The following HDAC9 variants were observed in gnomAD, a reference collection of about 807,000 sequenced individuals.
HDAC9 encodes the protein histone deacetylase 9, also known as MEF-2 interacting transcription repressor (MITR) protein.
HDAC9 carries 41 observed loss-of-function variants against 139.4 expected under a neutral mutation model. That is an observed-to-expected ratio of 0.29 (90% CI 0.23 to 0.38). The LOEUF (loss-of-function observed/expected upper bound fraction) is 0.38, where lower values mean the gene tolerates loss of function less well. Among genes scored for constraint, HDAC9 ranks in the 10% least tolerant of loss-of-function variants. The pLI is 1.00. For synonymous variants in HDAC9, 517 were observed against 476.2 expected (o/e 1.09, Z -1.12); for missense variants, 1,147 against 1,297.0 (o/e 0.88, Z 1.78).
chr7:18,834,664 A>C (rs1214818490), intron 19 of HDAC9, among the ~76,000 whole-genome samples: 2 of 152,166 alleles, frequency 1.3e-5, no homozygotes, highest in Non-Finnish European at 2.9e-5. Context: ...ACCCCATGCC[A>C]TCTTTCTGCT....
chr7:18,749,171 C>T, intron 14 of HDAC9, 33 bp downstream of exon 14: 1 of 1,606,864 alleles, frequency 6.2e-7, no homozygotes, highest in Non-Finnish European at 8.5e-7. Flanking sequence ...CTTTTACTTA[C>T]TTAAATAAAT....
At chr7:18,204,255 T>A (rs1791339299) in intron 2 of HDAC9, among the ~76,000 whole-genome samples, 2 of 152,010 alleles carry the variant, frequency 1.3e-5, no homozygotes, top group Admixed American at 6.6e-5. Flanking sequence ...ACTTAATCAT[T>A]CCTATGGTGT....
intron 2 of HDAC9, among the ~76,000 whole-genome samples, chr7:18,524,376 C>G (rs1300261585): frequency 6.6e-6 from 1 of 152,046 alleles, no homozygotes; most frequent in East Asian, 1.9e-4. Context: ...ATTGCTTTTT[C>G]TCATTTAGGG....
intron 1 of HDAC9, among the ~76,000 whole-genome samples, chr7:18,384,249 G>A (rs1351988288): frequency 6.6e-6 from 1 of 151,934 alleles, no homozygotes; most frequent in Non-Finnish European, 1.5e-5. Context: ...AGGAGAATGT[G>A]GTGACCCGTC....
At chr7:18,242,744 G>C (rs1395946209) in intron 2 of HDAC9, among the ~76,000 whole-genome samples, 2 of 151,898 alleles carry the variant, frequency 1.3e-5, no homozygotes, top group African/African-American at 4.8e-5. Context: ...CTCCACTTCA[G>C]GTGCTTCTCT....
chr7:18,850,039 C>T (rs1158486995), intron 21 of HDAC9, among the ~76,000 whole-genome samples: 1 of 144,360 alleles, frequency 6.9e-6, no homozygotes, highest in Non-Finnish European at 1.5e-5. Flanking sequence ...TTTCATTTTA[C>T]TGTATCTGTA....
rs58794891 is a variant in HDAC9 at position 18,392,399 on chromosome 7, GGATAGATAGATA to G, written c.-42+101915_-42+101926del. On this transcript the variant is annotated intron_variant, in intron 1 of 3. Coordinates refer to the HDAC9 transcript ENST00000413509. ...TCTCTAGATAGATGGATAGATAGAT[GGATAGATAGATA>G]GATAGATAGATAGATAGATAGATAG... 4.3e-3 allele frequency among the ~76,000 whole-genome samples: 637 copies of G among 146,862 alleles called. 3 individuals carry two copies. Among genetic ancestry groups the G allele is most frequent in the African/African-American group, 0.013 (519 of 39,614 alleles).
chr7:18,129,167 G>C (rs1486300197), intron 1 of HDAC9, among the ~76,000 whole-genome samples: 2 of 152,122 alleles, frequency 1.3e-5, no homozygotes, highest in Non-Finnish European at 2.9e-5. Flanking sequence ...TCACTGAATA[G>C]ATTTCATTAT....
chr7:18,358,144 G>T (rs749022644), intron 1 of HDAC9, among the ~76,000 whole-genome samples: 2 of 152,110 alleles, frequency 1.3e-5, no homozygotes, highest in Non-Finnish European at 2.9e-5. Context: ...AGCTGAGATG[G>T]TGCCATGCAT....
intron 1 of HDAC9, among the ~76,000 whole-genome samples, chr7:18,321,745 A>T (rs771555060): frequency 1.3e-4 from 20 of 152,098 alleles, no homozygotes; most frequent in Non-Finnish European, 2.8e-4. Flanking sequence ...GTTCCAATCA[A>T]ATTGTATAGT....
chr7:18,755,489 G>T (rs974350026), intron 14 of HDAC9, among the ~76,000 whole-genome samples: 1 of 152,072 alleles, frequency 6.6e-6, no homozygotes, highest in Non-Finnish European at 1.5e-5. Context: ...AAAAATATTT[G>T]TTGAAAGTTT....
chr7:18,877,415 G>A (rs1265330900), intron 22 of HDAC9, among the ~76,000 whole-genome samples: 7 of 152,092 alleles, frequency 4.6e-5, no homozygotes, highest in Non-Finnish European at 7.4e-5. Context: ...ATCCCAAAAC[G>A]AAGTTAGAAA....
At chr7:18,923,636 A>T (rs1017897069) in intron 22 of HDAC9, among the ~76,000 whole-genome samples, 5 of 151,974 alleles carry the variant, frequency 3.3e-5, no homozygotes, top group African/African-American at 1.2e-4. Context: ...CTAAAATGTC[A>T]CCGCCTTACC....
chr7:18,598,757 C>G (rs1833150075), intron 6 of HDAC9, among the ~76,000 whole-genome samples: 1 of 152,176 alleles, frequency 6.6e-6, no homozygotes, highest in Non-Finnish European at 1.5e-5. Context: ...ATTAATAGAA[C>G]AACCAAACTA....
chr7:18,149,430 A>G (rs972167204), intron 1 of HDAC9, among the ~76,000 whole-genome samples: 2 of 149,014 alleles, frequency 1.3e-5, no homozygotes, highest in Non-Finnish European at 3.0e-5. Flanking sequence ...ATCATAACTC[A>G]CTGTAGCCTT....
At chr7:18,334,889 C>T (rs1481306842) in intron 1 of HDAC9, among the ~76,000 whole-genome samples, 1 of 151,394 alleles carries the variant, frequency 6.6e-6, no homozygotes, top group African/African-American at 2.4e-5. Flanking sequence ...GGGCTGAGTA[C>T]ATAATGGTAG....
In HDAC9 at chr7:18,431,782, A is replaced by G. The variant is rs114319221; in HGVS notation, c.-41-64480A>G. On this transcript the variant is annotated intron_variant, in intron 1 of 3. Transcript: ENST00000413509. The stretch of plus-strand genomic sequence containing the variant: ...GATTGTGGGTATGACTGTGAATTTC[A>G]TATCAATTCCTTCAGACTCAAACAT... Among the ~76,000 whole-genome samples the G allele has an allele frequency of 4.5e-3, 688 of 152,326 alleles. 6 individuals carry two copies. The highest frequency in any genetic ancestry group is 0.016 in the African/African-American group (655 of 41,574).
chr7:18,138,904 T>C (rs1032940588), intron 1 of HDAC9, among the ~76,000 whole-genome samples: 1 of 152,118 alleles, frequency 6.6e-6, no homozygotes, highest in African/African-American at 2.4e-5. Context: ...ATAATGATTC[T>C]AGCATGAGAC....
At chr7:18,747,830 A>G (rs1479724256) in intron 13 of HDAC9, among the ~76,000 whole-genome samples, 3 of 152,220 alleles carry the variant, frequency 2.0e-5, no homozygotes, top group Non-Finnish European at 4.4e-5. Context: ...ATTTGAGCAC[A>G]CTCAAGGAAA....
Sources: allele counts gnomAD v4.1 joint callset (sites outside exome capture counted in the v4.1 genomes callset), GRCh38; gene constraint gnomAD v4.1.1; transcripts MANE v1.5; gene names NCBI Gene and HGNC (gene_info 2026-07-23, HGNC 2026-07-21).